The following ZNF17 variants were observed in gnomAD, a reference collection of about 807,000 sequenced individuals.
ZNF17 encodes the protein zinc finger protein 17 (HPF3, KOX 10).
ZNF17 carries 4 observed loss-of-function variants against 7.7 expected under a neutral mutation model. That is an observed-to-expected ratio of 0.52 (90% confidence interval 0.26 to 1.20). The LOEUF (loss-of-function observed/expected upper bound fraction) is 1.20, where lower values mean the gene tolerates loss of function less well. ZNF17 is among the 50% of genes most tolerant of loss of function. ZNF17 has a pLI of 0.14. For missense variants in ZNF17, 738 were observed against 799.5 expected, an observed-to-expected ratio of 0.92 and a Z score of 0.93; for synonymous variants, 249 against 258.8, an observed-to-expected ratio of 0.96 and a Z score of 0.36.
intron 2 of ZNF17, among the ~76,000 whole-genome samples, chr19:57,416,778 G>T (rs1165007212): frequency 6.6e-6 from 1 of 152,016 alleles, no homozygotes; most frequent in Admixed American, 6.5e-5. Flanking sequence ...AAAGTGCTGG[G>T]ATTAGAGGCA....
At position 57,420,177 on chromosome 19, in the gene ZNF17, T is replaced by C. The variant is rs1184925803; in HGVS notation, c.691T>C (p.Tyr231His). ...ECSECGKLFR[Y>H]NSDLIKHQRN... is the part of the protein sequence containing the mutation. ...CAGTGAATGTGGCAAATTGTTTAGG[T>C]ACAACTCCGACCTTATTAAACATCA... is the stretch of plus-strand genomic sequence containing the variant. Residue 231 changes from tyrosine (Y) to histidine (H), a missense_variant, in exon 4 of 4, where the codon TAC (tyrosine) becomes CAC (histidine). Around this residue, in one of 3 missense-constraint regions of ZNF17, gnomAD observed 616 missense variants for 663.9 expected, o/e 0.93. Transcript: ENST00000307658. 6.2e-7 allele frequency: 1 copy of C among 1,612,916 alleles called. No individual in the cohort carries two copies. The highest frequency in any genetic ancestry group is 2.2e-5 in the East Asian group (1 of 44,868).
Position 57,420,695 on chromosome 19 carries a change from C to G in ZNF17, c.1209C>G (p.Leu403=), listed in dbSNP as rs760731247. 1.9e-6 allele frequency: 3 copies of G among 1,613,062 alleles called. No homozygotes were observed. Among genetic ancestry groups the G allele is most frequent in the Non-Finnish European group, 2.5e-6 (3 of 1,179,744 alleles). Residue 403 remains leucine, a synonymous_variant, in exon 4 of 4, where the codon CTC becomes CTG. Coordinates refer to ENST00000307658, the MANE Select transcript of ZNF17 (RefSeq NM_001330617.2). ...CGKFFRYRST[L]IRHQKVHTGE... is the part of the protein sequence containing the mutation. ...AATTCTTTAGATACCGTTCCACACTCATTAGACATCAGAAAGTTCACACTG... is the reference window on the plus strand; with the variant it reads ...AATTCTTTAGATACCGTTCCACACTGATTAGACATCAGAAAGTTCACACTG...
At chr19:57,413,686 T>G in intron 2 of ZNF17, 50 bp downstream of exon 2, 1 of 1,530,816 alleles carries the variant, frequency 6.5e-7, no homozygotes, top group Non-Finnish European at 8.8e-7. Flanking sequence ...GGTTTCAGCA[T>G]GCTGATATAG....
At chr19:57,413,555 G>A in intron 1 of ZNF17, 41 bp from the exon 2 acceptor site, 3 of 1,534,606 alleles carry the variant, frequency 2.0e-6, no homozygotes, top group Non-Finnish European at 2.6e-6. Context: ...GTAGGATGCT[G>A]CAATGCTGTC....
intron 3 of ZNF17, among the ~76,000 whole-genome samples, chr19:57,418,668 C>T (rs2123068607): frequency 6.6e-6 from 1 of 152,274 alleles, no homozygotes; most frequent in South Asian, 2.1e-4. Flanking sequence ...CTCAAAAGGA[C>T]TTGGCCCTGG....
chr19:57,416,580 G>A (rs1248501239), intron 2 of ZNF17, among the ~76,000 whole-genome samples: 5 of 151,932 alleles, frequency 3.3e-5, no homozygotes, highest in Non-Finnish European at 7.4e-5. Context: ...GCGCGATCTC[G>A]GCTCACTGCA....
intron 1 of ZNF17, 193 bp downstream of exon 1, chr19:57,411,599 C>T: frequency 2.1e-6 from 3 of 1,405,354 alleles, no homozygotes; most frequent in Non-Finnish European, 1.9e-6. Flanking sequence ...AGAGGTGCTG[C>T]AGAGCGGGCG....
chr19:57,411,648 G>A (rs1327518191), intron 1 of ZNF17: 18 of 1,357,588 alleles, frequency 1.3e-5, no homozygotes, highest in Non-Finnish European at 1.6e-5. Context: ...CCACGGAGCT[G>A]AGGGTGAGGC....
intron 2 of ZNF17, 43 bp downstream of exon 2, chr19:57,413,679 T>C: frequency 6.5e-7 from 1 of 1,534,256 alleles, no homozygotes; most frequent in Non-Finnish European, 8.7e-7. Context: ...CCCAGATGGT[T>C]TCAGCATGCT....
chr19:57,415,190 T>C (rs2088804361), intron 2 of ZNF17, among the ~76,000 whole-genome samples: 1 of 152,148 alleles, frequency 6.6e-6, no homozygotes, highest in African/African-American at 2.4e-5. Flanking sequence ...CTGTAGGTTT[T>C]GATCTAGAGC....
Position 57,411,340 on chromosome 19 carries a change from A to G in ZNF17, c.-87A>G, listed in dbSNP as rs972361708. On this transcript the variant is annotated 5_prime_UTR_variant, in exon 1 of 4. Coordinates refer to ENST00000307658, the MANE Select transcript of ZNF17 (RefSeq NM_001330617.2). ...TGGTGCCTCTGTCAGCGTCCAGGTC[A>G]CTGCCGCTCCCGCCCCGCTCTTCCC... The G allele has an allele frequency of 2.2e-5, 35 of 1,602,112 alleles. No individual in the cohort carries two copies. The Admixed American group carries it at 5.1e-4, about 23-fold the overall frequency.
intron 2 of ZNF17, among the ~76,000 whole-genome samples, chr19:57,414,664 T>C (rs2088800340): frequency 6.6e-6 from 1 of 151,200 alleles, no homozygotes; most frequent in Non-Finnish European, 1.5e-5. Context: ...AGGGGGGTAG[T>C]AGCTAGGGAA....
In ZNF17 at chr19:57,420,682, A is replaced by G. The variant is rs1422664669; in HGVS notation, c.1196A>G (p.Tyr399Cys). The G allele has an allele frequency of 6.8e-6, 11 of 1,613,758 alleles. No homozygotes were observed. Among genetic ancestry groups the G allele is most frequent in the Non-Finnish European group, 9.3e-6 (11 of 1,179,944 alleles). The part of the protein sequence containing the change: ...ECNECGKFFR[Y>C]RSTLIRHQKV... ...AACGAATGTGGGAAATTCTTTAGAT[A>G]CCGTTCCACACTCATTAGACATCAG... Residue 399 changes from tyrosine to cysteine, a missense_variant, in exon 4 of 4, where the codon TAC becomes TGC. Transcript: ENST00000307658.
intron 1 of ZNF17, 171 bp from the exon 2 acceptor site, chr19:57,413,425 G>A (rs1362183907): frequency 1.6e-6 from 1 of 616,688 alleles, no homozygotes; most frequent in Non-Finnish European, 2.9e-6. Context: ...TTACACATAA[G>A]GGCACCGAGA....
chr19:57,417,729 C>T (rs1048295005), intron 2 of ZNF17, among the ~76,000 whole-genome samples, 183 bp from the exon 3 acceptor site: 3 of 151,750 alleles, frequency 2.0e-5, no homozygotes, highest in Admixed American at 6.6e-5. Flanking sequence ...CGCCTGTAAT[C>T]CCAGCTACTC....
At chr19:57,411,662 G>A (rs1482685890) in intron 1 of ZNF17, 1 of 1,341,112 alleles carries the variant, frequency 7.5e-7, no homozygotes, top group East Asian at 2.8e-5. Context: ...GTGAGGCGGA[G>A]TCTCGCCTGG....
At position 57,419,933 on chromosome 19, in the gene ZNF17, CACAT is replaced by C; in HGVS notation, c.448_451del (p.Thr150AlafsTer309). 1 of 1,614,210 alleles carries C rather than the reference CACAT, an allele frequency of 6.2e-7. No homozygotes were observed. The highest frequency in any genetic ancestry group is 1.3e-5 in the African/African-American group (1 of 75,048). On this transcript the variant is annotated frameshift_variant, in exon 4 of 4. Transcript: ENST00000307658. LOFTEE classifies it low-confidence loss of function (END_TRUNC). Reference sequence around the variant, plus strand: ...GTGTTCACCTGGCAAAGAGGAACCTCACATGCATGCAGGGTGGCAAGGATTTTAC... The same window carrying C: ...GTGTTCACCTGGCAAAGAGGAACCTCGCATGCAGGGTGGCAAGGATTTTAC...
At chr19:57,419,605 T>C (rs772259262) in intron 3 of ZNF17, 30 bp from the exon 4 acceptor site, 2 of 1,583,610 alleles carry the variant, frequency 1.3e-6, no homozygotes, top group Admixed American at 1.7e-5. Context: ...TCCAAAGTCA[T>C]CATGCACTTC....
chr19:57,418,615 G>A (rs2088826460), intron 3 of ZNF17, among the ~76,000 whole-genome samples: 1 of 152,134 alleles, frequency 6.6e-6, no homozygotes, highest in African/African-American at 2.4e-5. Context: ...AGGTCCCTGG[G>A]TGCCTGACAG....
Sources: allele counts gnomAD v4.1 joint callset (sites outside exome capture counted in the v4.1 genomes callset), GRCh38; gene constraint gnomAD v4.1.1; regional missense constraint gnomAD v4.1.1; transcripts MANE v1.5; gene names NCBI Gene and HGNC (gene_info 2026-07-23, HGNC 2026-07-21).